PCDH15: variants seen among roughly 807,000 people sequenced by gnomAD.
PCDH15 encodes protocadherin related 15.
Under a neutral mutation model 178.5 loss-of-function variants are expected in PCDH15, and 129 were observed. That is an observed-to-expected ratio of 0.72 (90% CI 0.63 to 0.84). The LOEUF (loss-of-function observed/expected upper bound fraction) is 0.84. Among genes scored for constraint, PCDH15 ranks in the 40% least tolerant of loss-of-function variants. The pLI is 0.00. For synonymous variants in PCDH15, 800 were observed against 732.0 expected, an observed-to-expected ratio of 1.09 and a Z score of -1.50; for missense variants, 2,230 against 2,099.9, an observed-to-expected ratio of 1.06 and a Z score of -1.21.
At chr10:55,244,855 A>T (rs550588005) in intron 1 of PCDH15, among the ~76,000 whole-genome samples, 1 of 151,700 alleles carries the variant, frequency 6.6e-6, no homozygotes, top group South Asian at 2.1e-4. Context: ...AAGAAAGTTA[A>T]ATCACTTTAT....
chr10:54,927,933 A>T (rs750201529), intron 2 of PCDH15, among the ~76,000 whole-genome samples: 1 of 152,106 alleles, frequency 6.6e-6, no homozygotes, highest in South Asian at 2.1e-4. Context: ...TAGCCCATAT[A>T]CATTCAAGGT....
At chr10:54,794,436 T>C (rs913947294) in intron 1 of PCDH15, among the ~76,000 whole-genome samples, 1 of 151,752 alleles carries the variant, frequency 6.6e-6, no homozygotes, top group East Asian at 1.9e-4. Flanking sequence ...ATATCCTGAG[T>C]GGAAATTTTT....
At chr10:55,412,983 T>C (rs1199523471) in intron 2 of PCDH15, among the ~76,000 whole-genome samples, 2 of 151,478 alleles carry the variant, frequency 1.3e-5, no homozygotes, top group East Asian at 3.9e-4. Context: ...CTAGTTACCC[T>C]GAAGCTGCAG....
At chr10:53,808,792 C>G (rs1190179826) in intron 37 of PCDH15, 1 of 1,612,074 alleles carries the variant, frequency 6.2e-7, no homozygotes, top group African/African-American at 1.3e-5. Flanking sequence ...GCCCCATGGA[C>G]CTCCAGACTG....
chr10:54,430,783 T>G (rs112360247), intron 3 of PCDH15, among the ~76,000 whole-genome samples: 1 of 150,476 alleles, frequency 6.6e-6, no homozygotes, highest in East Asian at 1.9e-4. Flanking sequence ...GAAAAAAAAA[T>G]TCCAATGAAG....
intron 1 of PCDH15, among the ~76,000 whole-genome samples, chr10:55,240,068 C>A (rs904313736): frequency 5.9e-5 from 9 of 152,096 alleles, no homozygotes; most frequent in Non-Finnish European, 8.8e-5. Flanking sequence ...AACCCTTGTA[C>A]ACTGTTGATG....
chr10:54,086,463 G>A (rs1360207190), intron 16 of PCDH15, among the ~76,000 whole-genome samples: 3 of 152,100 alleles, frequency 2.0e-5, no homozygotes, highest in African/African-American at 7.2e-5. Context: ...AACTATAGCA[G>A]TACCTGGATT....
At chr10:55,138,332 T>C (rs16907031) in intron 2 of PCDH15, among the ~76,000 whole-genome samples, 7,674 of 152,250 alleles carry the variant, frequency 0.05, 371 homozygotes, top group African/African-American at 0.13. Context: ...TGAGATTTTC[T>C]ATGTCAAATC....
intron 2 of PCDH15, among the ~76,000 whole-genome samples, chr10:55,538,500 TCCTTCCTTCTTTCCTTCCTTCCTC>T (rs1290439949): frequency 1.5e-5 from 2 of 135,216 alleles, no homozygotes; most frequent in African/African-American, 2.7e-5. Context: ...CTCCTTTCCT[TCCTTCCTTCTTTCCTTCCTTCCTC>T]CCTTCCTTCC....
chr10:55,134,481 A>G (rs943161526), intron 2 of PCDH15, among the ~76,000 whole-genome samples: 1 of 152,174 alleles, frequency 6.6e-6, no homozygotes, highest in Non-Finnish European at 1.5e-5. Flanking sequence ...TGTTATGGCT[A>G]TAGAAGAGAG....
Position 55,355,850 on chromosome 10 carries a change from A to G in PCDH15, c.-155-189199T>C, listed in dbSNP as rs116320234. ...ATCTAGATGTGACATCCAAGAATAT[A>G]TATTTTAAAAATAAAACTTTCCATG... On this transcript the variant is annotated intron_variant, in intron 2 of 5. Transcript: ENST00000613346. 5.6e-3 allele frequency among the ~76,000 whole-genome samples: 851 copies of G among 152,092 alleles called. 10 individuals are homozygous for G. Among genetic ancestry groups the G allele is most frequent in the African/African-American group, 0.02 (812 of 41,554 alleles).
At chr10:54,079,874 G>A (rs140078337) in intron 16 of PCDH15, among the ~76,000 whole-genome samples, 7 of 152,106 alleles carry the variant, frequency 4.6e-5, no homozygotes, top group Admixed American at 2.6e-4. Flanking sequence ...CCATCTAAAT[G>A]TTATCTCTGA....
chr10:55,391,310 C>G (rs1460773068), intron 2 of PCDH15, among the ~76,000 whole-genome samples: 2 of 151,682 alleles, frequency 1.3e-5, no homozygotes, highest in Admixed American at 1.3e-4. Flanking sequence ...CTGCACATCT[C>G]TCTCTGGCTT....
chr10:55,623,961 G>A (rs1309444957), intron 2 of PCDH15, among the ~76,000 whole-genome samples: 2 of 152,064 alleles, frequency 1.3e-5, no homozygotes, highest in African/African-American at 4.8e-5. Flanking sequence ...CTCACCCTAT[G>A]GGGAAAGGGG....
At chr10:55,510,429 A>T (rs1423059597) in intron 2 of PCDH15, among the ~76,000 whole-genome samples, 1 of 152,020 alleles carries the variant, frequency 6.6e-6, no homozygotes, top group Admixed American at 6.6e-5. Flanking sequence ...ATAATTTCAG[A>T]AAAGCAATAG....
At chr10:55,379,235 G>C (rs1267639401) in intron 2 of PCDH15, among the ~76,000 whole-genome samples, 1 of 151,770 alleles carries the variant, frequency 6.6e-6, no homozygotes, top group East Asian at 1.9e-4. Flanking sequence ...CACCTCCCCT[G>C]TTATCCTGTC....
intron 13 of PCDH15, among the ~76,000 whole-genome samples, chr10:54,154,632 C>T (rs991303487): frequency 1.3e-5 from 2 of 152,138 alleles, no homozygotes; most frequent in African/African-American, 4.8e-5. Context: ...ACTTTATACA[C>T]TGTACTGTGC....
chr10:54,819,547 G>C (rs1299704938), intron 3 of PCDH15, among the ~76,000 whole-genome samples: 2 of 151,726 alleles, frequency 1.3e-5, no homozygotes, highest in East Asian at 3.9e-4. Context: ...TTATTATCAA[G>C]GGTTAATGTC....
intron 11 of PCDH15, among the ~76,000 whole-genome samples, chr10:54,188,121 G>A (rs2048641420): frequency 6.6e-6 from 1 of 151,828 alleles, no homozygotes; most frequent in African/African-American, 2.4e-5. Context: ...TGTATCAAAG[G>A]TTTGGTAAGA....
Sources: allele counts gnomAD v4.1 joint callset (sites outside exome capture counted in the v4.1 genomes callset), GRCh38; gene constraint gnomAD v4.1.1; transcripts MANE v1.5; gene names NCBI Gene and HGNC (gene_info 2026-07-23, HGNC 2026-07-21).